The following SRM variants were observed in gnomAD, a reference collection of about 807,000 sequenced individuals.
SRM encodes the protein putrescine aminopropyltransferase.
In SRM, 14 loss-of-function variants were observed where a neutral mutation model predicts 39.3. That is an observed-to-expected ratio of 0.36 (90% CI 0.24 to 0.56). The LOEUF (loss-of-function observed/expected upper bound fraction) is 0.56, where lower values mean the gene tolerates loss of function less well. Among genes scored for constraint, SRM ranks in the 20% least tolerant of loss-of-function variants. The probability of loss-of-function intolerance (pLI) is 0.86; values close to 1 mark genes in which losing one functional copy is unlikely to be tolerated. For synonymous variants in SRM, 195 were observed against 173.1 expected (o/e 1.13, Z -0.99); for missense variants, 244 against 409.2 (o/e 0.60, Z 3.48).
At position 11,059,848 on chromosome 1, in the gene SRM, G is replaced by A; in HGVS notation, c.96C>T (p.Ala32=). The change falls in exon 1 of 8, where the codon GCC becomes GCT. Residue 32 remains alanine (A), a synonymous_variant. Transcript: ENST00000376957. The part of the protein sequence containing the change: ...RETCSLWPGQ[A]LSLQVEQLLH... ...GCAGCTGCTCCACCTGCAGTGACAGGGCCTGGCCGGGCCACAGGCTGCAGG... is the reference window on the plus strand; with the variant it reads ...GCAGCTGCTCCACCTGCAGTGACAGAGCCTGGCCGGGCCACAGGCTGCAGG... 6.4e-7 allele frequency: 1 copy of A among 1,562,546 alleles called. No homozygotes were observed. The highest frequency in any genetic ancestry group is 8.6e-7 in the Non-Finnish European group (1 of 1,164,652).
intron 6 of SRM, 34 bp downstream of exon 6, chr1:11,055,747 C>A: frequency 2.7e-6 from 4 of 1,498,680 alleles, no homozygotes; most frequent in South Asian, 2.4e-5. Context: ...CCCACCTTCC[C>A]CCCAACCCCC....
Position 11,058,878 on chromosome 1 carries a change from C to T in SRM, c.303G>A (p.Gly101=). 1 of 1,609,644 alleles carries T rather than the reference C, an allele frequency of 6.2e-7. No homozygotes were observed. The highest frequency in any genetic ancestry group is 1.1e-5 in the South Asian group (1 of 90,110). Residue 101 remains glycine (G), a synonymous_variant, in exon 3 of 8, where the codon GGG becomes GGA. Coordinates refer to ENST00000376957, the MANE Select transcript of SRM (RefSeq NM_003132.3). Reference sequence around the variant, plus strand: ...CCCGCAGGACACCTCCATCTCCGCCCCCGATGATCAGCACCTGGGAGGAGG... The same window carrying T: ...CCCGCAGGACACCTCCATCTCCGCCTCCGATGATCAGCACCTGGGAGGAGG... ...HPNPRKVLII[G]GGDGGVLREV...
intron 3 of SRM, 37 bp from the exon 4 acceptor site, chr1:11,056,794 G>C: frequency 6.2e-7 from 1 of 1,611,774 alleles, no homozygotes; most frequent in Non-Finnish European, 8.5e-7. Flanking sequence ...GGGCCAAGGG[G>C]CTGGGGGACC....
Position 11,054,830 on chromosome 1 carries a change from G to GAGGT in SRM, c.*31_*34dup, listed in dbSNP as rs767916198. The GAGGT allele has an allele frequency of 6.0e-5, 95 of 1,581,414 alleles. 1 individual carries two copies. The East Asian group carries it at 2.0e-3, about 33-fold the overall frequency. ...AGGCACCCCGCAGGCTCCAAGGTCC[G>GAGGT]AGGTCCTGGGTGGCATCAGTGGTGG... On this transcript the variant is annotated 3_prime_UTR_variant, in exon 8 of 8. Coordinates refer to ENST00000376957, the MANE Select transcript of SRM (RefSeq NM_003132.3). This position sits in a 1 kb window ranked among gnomAD's most constrained non-coding sequence, Gnocchi z 4.8.
chr1:11,057,478 T>A (rs1270600027), intron 3 of SRM, among the ~76,000 whole-genome samples: 7 of 140,188 alleles, frequency 5.0e-5, no homozygotes, highest in African/African-American at 7.9e-5. Flanking sequence ...TTTTTTTTTT[T>A]ATTTTTAGTA....
Position 11,056,699 on chromosome 1 carries a change from G to C in SRM, c.440C>G (p.Ser147Trp). The C allele has an allele frequency of 1.2e-6, 2 of 1,614,098 alleles. No individual in the cohort carries two copies. Among genetic ancestry groups the C allele is most frequent in the Non-Finnish European group, 1.7e-6 (2 of 1,180,018 alleles). The change falls in exon 4 of 8, where the codon TCG (serine) becomes TGG (tryptophan). Residue 147 changes from serine (S) to tryptophan (W), a missense_variant. Physicochemically the swap from Ser to Trp is radical, Grantham distance 177. Coordinates refer to ENST00000376957, the MANE Select transcript of SRM (RefSeq NM_003132.3). ...GTCACCCACATGTAGGGTCAGCTTC[G>C]AGCTAGAGTAGCCAATGGCCATGCC... The part of the protein sequence containing the change: ...LPGMAIGYSS[S>W]KLTLHVGDGF...
chr1:11,054,982 G>A lies in SRM; in HGVS notation c.868C>T (p.Leu290=). Residue 290 remains leucine, a synonymous_variant, in exon 7 of 8, where the codon CTG becomes TTG. Transcript: ENST00000376957. The surrounding 1 kb of genome is among the most constrained non-coding windows in gnomAD (Gnocchi z 4.8). The part of the protein sequence containing the change: ...NSDVHRAAFV[L]PEFARKALND... ...CCCACCTTGCGGGCAAACTCGGGCA[G>A]CACAAAGGCGGCGCGGTGCACGTCG... 1 of 1,612,606 alleles carries A rather than the reference G, an allele frequency of 6.2e-7. No individual in the cohort carries two copies. The highest frequency in any genetic ancestry group is 8.5e-7 in the Non-Finnish European group (1 of 1,179,930).
At chr1:11,057,697 A>G (rs1352251045) in intron 3 of SRM, among the ~76,000 whole-genome samples, 1 of 109,506 alleles carries the variant, frequency 9.1e-6, no homozygotes, top group African/African-American at 3.7e-5. Flanking sequence ...ACCACCCCCC[A>G]TGCATTCACA....
chr1:11,057,643 A>C (rs1570767703), intron 3 of SRM, among the ~76,000 whole-genome samples: 1 of 125,740 alleles, frequency 8.0e-6, no homozygotes, highest in Non-Finnish European at 1.6e-5. Context: ...CCTGCTTTTC[A>C]CTGAGGTCTC....
chr1:11,055,694 T>C lies in SRM; in HGVS notation c.765+87A>G, dbSNP rs1010112294. ...CCTCCCAAAGTGCTGGGATTACAGG[T>C]GTGAGCCACCGCGCCCGGCAGGGGC... is the stretch of plus-strand genomic sequence containing the variant. On this transcript the variant is annotated intron_variant, in intron 6 of 7. Coordinates refer to ENST00000376957, the MANE Select transcript of SRM (RefSeq NM_003132.3). 69 of 1,400,446 alleles carry C rather than the reference T, an allele frequency of 4.9e-5. 1 individual carries two copies. The Admixed American group carries it at 8.4e-4, about 17-fold the overall frequency. The allele number at this position is 1,400,446 out of a possible 1,614,324, so 86.8% of individuals were successfully genotyped here.
At chr1:11,055,276 T>C in intron 6 of SRM, 192 bp from the exon 7 acceptor site, 1 of 817,366 alleles carries the variant, frequency 1.2e-6, no homozygotes, top group Non-Finnish European at 1.8e-6. Context: ...ATTTTTTTTT[T>C]TTTTGTATTT....
chr1:11,055,757 C>CCCCCCCCAAA, intron 6 of SRM, 24 bp downstream of exon 6: 1 of 1,530,848 alleles, frequency 6.5e-7, no homozygotes, highest in Non-Finnish European at 8.8e-7. Context: ...CCCCAACCCC[C>CCCCCCCCAAA]ACCCCCAGAC....
At chr1:11,057,672 TG>T (rs1638904562) in intron 3 of SRM, among the ~76,000 whole-genome samples, 1 of 141,090 alleles carries the variant, frequency 7.1e-6, no homozygotes, top group South Asian at 2.2e-4. Context: ...CGCCACCTCC[TG>T]GAGGCCTGCC....
rs541395210 is a variant in SRM at position 11,057,478 on chromosome 1, TA to T, written c.382-722del. On this transcript the variant is annotated intron_variant, in intron 3 of 7. Coordinates refer to ENST00000376957, the MANE Select transcript of SRM (RefSeq NM_003132.3). ...TGGGCCATTTTTTTTTTTTTTTTTT[TA>T]TTTTTAGTAGAGACCTTGTGATCTG... Among the ~76,000 whole-genome samples, 315 of 140,178 alleles carry T rather than the reference TA, an allele frequency of 2.2e-3. 55 individuals carry two copies. The highest frequency in any genetic ancestry group is 3.6e-3 in the Middle Eastern group (1 of 274). The allele number at this position is 140,178 out of a possible 152,430, so 92.0% of individuals were successfully genotyped here. A position where few individuals can be genotyped will look rare whatever the true frequency, so the allele number is the denominator to read the frequency against.
rs777874212 is a variant in SRM, at chr1:11,059,264, G to T, written c.249C>A (p.Ile83=). The T allele has an allele frequency of 4.3e-6, 7 of 1,613,404 alleles. No individual in the cohort carries two copies. In the South Asian group the frequency reaches 7.7e-5, roughly 18 times the overall value. Reference sequence around the variant, plus strand: ...GGTGGCTGCAGAGAGGCAGGTTGGCGATCATCTCCTGGTAGGAGAACTCGT... The same window carrying T: ...GGTGGCTGCAGAGAGGCAGGTTGGCTATCATCTCCTGGTAGGAGAACTCGT... ...ERDEFSYQEM[I]ANLPLCSHPN... Residue 83 remains isoleucine (I), a synonymous_variant, in exon 2 of 8, where the codon ATC becomes ATA. Transcript: ENST00000376957.
At chr1:11,059,502 G>A (rs1638939036) in intron 1 of SRM, 157 bp from the exon 2 acceptor site, 3 of 1,310,986 alleles carry the variant, frequency 2.3e-6, no homozygotes, top group Non-Finnish European at 3.1e-6. Context: ...GCGGGCCGCC[G>A]GGTGGAGGCC....
Position 11,055,907 on chromosome 1 carries a change from G to A in SRM, c.639C>T (p.His213=). ...GCCGCATCTCCTTGATGAGGTCCAG[G>A]TGCAGCCACTGGCACTCGCCTGGGG... ...LCCQGECQWL[H]LDLIKEMRQF... Residue 213 remains histidine, a synonymous_variant, in exon 6 of 8, where the codon CAC becomes CAT. Transcript: ENST00000376957. The A allele has an allele frequency of 6.2e-7, 1 of 1,605,838 alleles. No individual in the cohort carries two copies. The highest frequency in any genetic ancestry group is 2.2e-5 in the East Asian group (1 of 44,656).
Position 11,054,743 on chromosome 1 carries a change from T to C in SRM, c.*122A>G. 7.2e-7 allele frequency: 1 copy of C among 1,393,646 alleles called. No homozygotes were observed. Among genetic ancestry groups the C allele is most frequent in the Non-Finnish European group, 9.6e-7 (1 of 1,044,238 alleles). The allele number at this position is 1,393,646 out of a possible 1,614,324, so 86.3% of individuals were successfully genotyped here. A position where few individuals can be genotyped will look rare whatever the true frequency, so the allele number is the denominator to read the frequency against. On this transcript the variant is annotated 3_prime_UTR_variant, in exon 8 of 8. Transcript: ENST00000376957. This position sits in a 1 kb window ranked among gnomAD's most constrained non-coding sequence, Gnocchi z 4.8. ...GGCAGGCCGGGCAGCATTCTGGGGCTTGTAACACTTGGTTGGTGGGCGAGA... is the reference window on the plus strand; with the variant it reads ...GGCAGGCCGGGCAGCATTCTGGGGCCTGTAACACTTGGTTGGTGGGCGAGA...
rs1638838229 is a variant in SRM, at chr1:11,054,784, G to A, written c.*81C>T. ...GTGGGCGAGAGCCAGCAGGAGGTCCGGCCCGGGGCTGGAGGGGCCGAGGCA... is the reference window on the plus strand; with the variant it reads ...GTGGGCGAGAGCCAGCAGGAGGTCCAGCCCGGGGCTGGAGGGGCCGAGGCA... On this transcript the variant is annotated 3_prime_UTR_variant, in exon 8 of 8. Transcript: ENST00000376957. This position sits in a 1 kb window ranked among gnomAD's most constrained non-coding sequence, Gnocchi z 4.8. 5.9e-6 allele frequency: 9 copies of A among 1,513,250 alleles called. No individual in the cohort carries two copies. Among genetic ancestry groups the A allele is most frequent in the South Asian group, 4.0e-5 (3 of 75,440 alleles). The allele number at this position is 1,513,250 out of a possible 1,614,324, so 93.7% of individuals were successfully genotyped here.
Sources: allele counts gnomAD v4.1 joint callset (sites outside exome capture counted in the v4.1 genomes callset), GRCh38; gene constraint gnomAD v4.1.1; non-coding constraint Gnocchi (gnomAD v3.1); transcripts MANE v1.5; gene names NCBI Gene and HGNC (gene_info 2026-07-23, HGNC 2026-07-21).